ISM2: variants seen among roughly 807,000 people sequenced by gnomAD.
ISM2 encodes the protein isthmin 2.
ISM2 carries 50 observed loss-of-function variants against 58.0 expected under a neutral mutation model. That is an observed-to-expected ratio of 0.86 (90% CI 0.69 to 1.09). The LOEUF (loss-of-function observed/expected upper bound fraction) is 1.09, where lower values mean the gene tolerates loss of function less well. ISM2 is among the 50% of genes least tolerant of loss of function. ISM2 has a pLI of 0.00. For missense variants in ISM2, 723 were observed against 745.0 expected (o/e 0.97, Z 0.34); for synonymous variants, 303 against 312.4 (o/e 0.97, Z 0.32).
chr14:77,498,232 T>C (rs977735392), intron 1 of ISM2: 6 of 1,290,584 alleles, frequency 4.6e-6, no homozygotes, highest in Non-Finnish European at 4.0e-6. Flanking sequence ...ACCTGACCGT[T>C]TGAACCTCAG....
intron 1 of ISM2, among the ~76,000 whole-genome samples, chr14:77,492,519 T>A (rs2079212332): frequency 7.1e-6 from 1 of 140,178 alleles, no homozygotes; most frequent in South Asian, 2.2e-4. Context: ...CCCCAGCCTT[T>A]TTTTTTTTTT....
chr14:77,483,623 C>T (rs1038263675), intron 3 of ISM2, among the ~76,000 whole-genome samples: 9 of 149,464 alleles, frequency 6.0e-5, no homozygotes, highest in Non-Finnish European at 1.0e-4. Flanking sequence ...CAGTTTTTTG[C>T]GTGTGCGTGT....
At chr14:77,497,777 A>C (rs377364550) in intron 1 of ISM2, among the ~76,000 whole-genome samples, 1 of 77,406 alleles carries the variant, frequency 1.3e-5, no homozygotes, top group Non-Finnish European at 2.4e-5. Context: ...GAGGGAAGGA[A>C]GGAAGGAAGG....
chr14:77,492,800 G>C (rs2079214455), intron 1 of ISM2, among the ~76,000 whole-genome samples: 1 of 152,090 alleles, frequency 6.6e-6, no homozygotes, highest in African/African-American at 2.4e-5. Context: ...CTGAGGTCGG[G>C]AGTTCGAGAC....
intron 1 of ISM2, among the ~76,000 whole-genome samples, chr14:77,495,017 G>C (rs2079229972): frequency 6.6e-6 from 1 of 152,118 alleles, no homozygotes; most frequent in South Asian, 2.1e-4. Context: ...CAGAGTAGCT[G>C]AGACTACGGG....
intron 3 of ISM2, chr14:77,482,881 G>A (rs1327203971): frequency 2.1e-6 from 1 of 483,706 alleles, no homozygotes; most frequent in East Asian, 3.3e-5. Flanking sequence ...GAATCACCTG[G>A]GGACTCCTAA....
At chr14:77,493,810 C>T (rs557910017) in intron 1 of ISM2, among the ~76,000 whole-genome samples, 6 of 151,962 alleles carry the variant, frequency 3.9e-5, no homozygotes, top group South Asian at 2.1e-4. Flanking sequence ...CTCGCTCTGT[C>T]GCTCAGGCTG....
At position 77,474,997 on chromosome 14, in the gene ISM2, A is replaced by C. The variant is rs889621901; in HGVS notation, c.*598T>G. ...CAAGACTAAAGTTGGTGTCCAACAG[A>C]AAGGCAGCTTGGGGCTACAGATAGC... On this transcript the variant is annotated 3_prime_UTR_variant, in exon 7 of 7. Coordinates refer to ENST00000342219, the MANE Select transcript of ISM2 (RefSeq NM_199296.3). 6.6e-6 allele frequency: 1 copy of C among 152,302 alleles called. No individual in the cohort carries two copies. Among genetic ancestry groups the C allele is most frequent in the Non-Finnish European group, 1.5e-5 (1 of 68,088 alleles). 9.4% of individuals were successfully genotyped at this position (152,302 alleles called of 1,614,324 possible). A position where few individuals can be genotyped will look rare whatever the true frequency, so the allele number is the denominator to read the frequency against.
rs183194484 is a variant in ISM2 at position 77,494,024 on chromosome 14, G to A, written c.141+4629C>T. Among the ~76,000 whole-genome samples the A allele has an allele frequency of 5.5e-3, 834 of 151,846 alleles. 6 individuals are homozygous for A. The highest frequency in any genetic ancestry group is 0.019 in the African/African-American group (803 of 41,400). ...GATCTCCTGATCTTGTGATCCGCCC[G>A]CCTCGGCCTCCCAAAGTGCTGGGAT... is the stretch of plus-strand genomic sequence containing the variant. On this transcript the variant is annotated intron_variant, in intron 1 of 6. Coordinates refer to ENST00000342219, the MANE Select transcript of ISM2 (RefSeq NM_199296.3).
intron 1 of ISM2, chr14:77,498,145 G>T: frequency 5.6e-6 from 4 of 709,484 alleles, no homozygotes; most frequent in Non-Finnish European, 8.1e-6. Context: ...CGAGGACAGA[G>T]CCAGTCTCAG....
Position 77,482,310 on chromosome 14 carries a change from G to T in ISM2, c.973+12C>A, listed in dbSNP as rs2139959413. 1.3e-6 allele frequency: 2 copies of T among 1,599,160 alleles called. No homozygotes were observed. Among genetic ancestry groups the T allele is most frequent in the African/African-American group, 1.3e-5 (1 of 74,732 alleles). On this transcript the variant is annotated intron_variant, in intron 4 of 6. Coordinates refer to ENST00000342219, the MANE Select transcript of ISM2 (RefSeq NM_199296.3). ...GGGAGCAGCCTGGGGATGCCAAGATGGGGGTGCTCACCGTAGCTGACAGAA... is the reference window on the plus strand; with the variant it reads ...GGGAGCAGCCTGGGGATGCCAAGATTGGGGTGCTCACCGTAGCTGACAGAA...
At position 77,476,063 on chromosome 14, in the gene ISM2, G is replaced by T. The variant is rs144624318; in HGVS notation, c.1248C>A (p.Ile416=). 10 of 1,533,458 alleles carry T rather than the reference G, an allele frequency of 6.5e-6. No homozygotes were observed. The highest frequency in any genetic ancestry group is 1.7e-4 in the Middle Eastern group (1 of 5,768). The allele number at this position is 1,533,458 out of a possible 1,614,324, so 95.0% of individuals were successfully genotyped here. A position where few individuals can be genotyped will look rare whatever the true frequency, so the allele number is the denominator to read the frequency against. ...CCCGCAGCATCTGGCTCAGATACTT[G>T]ATTAGGAAGTCGCTCTTGCAGTTCA... ...KWLNCKSDFL[I]KYLSQMLRDL... is the part of the protein sequence containing the mutation. The change falls in exon 7 of 7, where the codon ATC becomes ATA. Residue 416 remains isoleucine, a synonymous_variant. Transcript: ENST00000342219.
In ISM2 at chr14:77,498,545, G is replaced by T. The variant is rs932534219; in HGVS notation, c.141+108C>A. The T allele has an allele frequency of 5.1e-6, 7 of 1,384,642 alleles. No homozygotes were observed. In the African/African-American group the frequency reaches 6.0e-5, roughly 12 times the overall value. The allele number at this position is 1,384,642 out of a possible 1,614,324, so 85.8% of individuals were successfully genotyped here. A position where few individuals can be genotyped will look rare whatever the true frequency, so the allele number is the denominator to read the frequency against. On this transcript the variant is annotated intron_variant, in intron 1 of 6. Coordinates refer to ENST00000342219, the MANE Select transcript of ISM2 (RefSeq NM_199296.3). ...CCCCGGCCCCTCTCTCCATCGGGGG[G>T]TCGCTGCCTGTGTGTGTCCCGGTCC...
chr14:77,487,283 T>TAAA (rs2079174264), intron 1 of ISM2, among the ~76,000 whole-genome samples: 3 of 131,734 alleles, frequency 2.3e-5, no homozygotes, highest in African/African-American at 9.4e-5. Flanking sequence ...AAATAAATAA[T>TAAA]AAAAAGAAAA....
chr14:77,482,701 A>G, intron 3 of ISM2, 34 bp from the exon 4 acceptor site: 1 of 1,356,796 alleles, frequency 7.4e-7, no homozygotes, highest in Non-Finnish European at 1.0e-6. Flanking sequence ...CCAGTGAAGG[A>G]GGTCTTAGAG....
At chr14:77,498,384 A>C in intron 1 of ISM2, 1 of 1,301,200 alleles carries the variant, frequency 7.7e-7, no homozygotes. Flanking sequence ...AGTGTCGGCC[A>C]CCTCACTCCG....
In ISM2 at chr14:77,475,786, T is replaced by A. The variant is rs1289011168; in HGVS notation, c.1525A>T (p.Met509Leu). ...RLLTRGKGAG[M>L]PNLISTDFSP... is the part of the protein sequence containing the mutation. ...AAGTCGGTGCTGATGAGGTTGGGCA[T>A]GCCGGCGCCCTTGCCACGGGTCAGC... Residue 509 changes from methionine (M) to leucine (L), a missense_variant, in exon 7 of 7, where the codon ATG (methionine) becomes TTG (leucine). Physicochemically the swap from Met to Leu is conservative, Grantham distance 15 (BLOSUM62 2). Coordinates refer to ENST00000342219, the MANE Select transcript of ISM2 (RefSeq NM_199296.3). The surrounding 1 kb of genome is among the most constrained non-coding windows in gnomAD (Gnocchi z 4.1). The A allele has an allele frequency of 5.6e-6, 9 of 1,613,322 alleles. No individual in the cohort carries two copies. The highest frequency in any genetic ancestry group is 7.6e-6 in the Non-Finnish European group (9 of 1,179,850).
chr14:77,491,971 C>T (rs1445161829), intron 1 of ISM2, among the ~76,000 whole-genome samples: 3 of 151,702 alleles, frequency 2.0e-5, no homozygotes, highest in Non-Finnish European at 2.9e-5. Flanking sequence ...GCTAGGATTA[C>T]AGGCGTGAGC....
In ISM2 at chr14:77,476,089, G is replaced by C; in HGVS notation, c.1222C>G (p.Leu408Val). 1 of 1,526,198 alleles carries C rather than the reference G, an allele frequency of 6.6e-7. No homozygotes were observed. The highest frequency in any genetic ancestry group is 8.8e-7 in the Non-Finnish European group (1 of 1,140,488). 94.5% of individuals were successfully genotyped at this position (1,526,198 alleles called of 1,614,324 possible). Residue 408 changes from leucine to valine, a missense_variant, in exon 7 of 7, where the codon CTG becomes GTG. Physicochemically the swap from Leu to Val is conservative, Grantham distance 32. Transcript: ENST00000342219. ...DQDVDSCEKW[L>V]NCKSDFLIKY... is the part of the protein sequence containing the mutation. ...ATTAGGAAGTCGCTCTTGCAGTTCA[G>C]CCACTTCTCACAGCTGTCCACATCT...
Sources: allele counts gnomAD v4.1 joint callset (sites outside exome capture counted in the v4.1 genomes callset), GRCh38; gene constraint gnomAD v4.1.1; non-coding constraint Gnocchi (gnomAD v3.1); transcripts MANE v1.5; gene names NCBI Gene and HGNC (gene_info 2026-07-23, HGNC 2026-07-21).